The following DCC variants were observed in gnomAD, a reference collection of about 807,000 sequenced individuals.
DCC encodes DCC netrin 1 receptor.
Under a neutral mutation model 172.5 loss-of-function variants are expected in DCC, and 58 were observed. The observed-to-expected ratio is 0.34, with a 90% CI of 0.27 to 0.42. The LOEUF (loss-of-function observed/expected upper bound fraction) is 0.42. Ranked by LOEUF, DCC falls within the 10% of genes least tolerant of loss-of-function variation. The pLI is 1.00. For missense variants in DCC, 1,740 were observed against 1,791.0 expected, an observed-to-expected ratio of 0.97 and a Z score of 0.51; for synonymous variants, 709 against 644.5, an observed-to-expected ratio of 1.10 and a Z score of -1.52.
At chr18:52,484,178 T>C (rs185383509) in intron 1 of DCC, among the ~76,000 whole-genome samples, 2 of 152,284 alleles carry the variant, frequency 1.3e-5, no homozygotes. Context: ...TCTTTTTGTT[T>C]AAAACTGCAT....
chr18:52,941,944 G>T (rs562429163), intron 5 of DCC, among the ~76,000 whole-genome samples: 2 of 151,822 alleles, frequency 1.3e-5, no homozygotes, highest in African/African-American at 4.8e-5. Context: ...CACCATGCCC[G>T]GCTAATTTTT....
At chr18:52,790,157 T>C (rs1346240310) in intron 2 of DCC, among the ~76,000 whole-genome samples, 1 of 152,148 alleles carries the variant, frequency 6.6e-6, no homozygotes, top group African/African-American at 2.4e-5. Flanking sequence ...GCCACGTGGT[T>C]ACAGGTATTG....
Position 52,737,222 on chromosome 18 carries a change from G to T in DCC, c.92-14832G>T, listed in dbSNP as rs1242238621. ...AAATAAGATAAATTAATGAAAAACAGCTGGATAGAAGCACAACCAGGAATG... is the reference window on the plus strand; with the variant it reads ...AAATAAGATAAATTAATGAAAAACATCTGGATAGAAGCACAACCAGGAATG... On this transcript the variant is annotated intron_variant, in intron 1 of 28. Transcript: ENST00000442544. Among the ~76,000 whole-genome samples, 4 of 152,104 alleles carry T rather than the reference G, an allele frequency of 2.6e-5. No individual in the cohort carries two copies. The East Asian group carries it at 7.7e-4, about 29-fold the overall frequency.
chr18:52,829,246 T>C (rs528432956), intron 2 of DCC, among the ~76,000 whole-genome samples: 4 of 152,346 alleles, frequency 2.6e-5, no homozygotes, highest in African/African-American at 9.6e-5. Flanking sequence ...AGGCTGATGC[T>C]CAGTTTCTTG....
At chr18:52,872,273 G>A (rs1180269435) in intron 2 of DCC, among the ~76,000 whole-genome samples, 2 of 152,140 alleles carry the variant, frequency 1.3e-5, no homozygotes, top group South Asian at 4.1e-4. Flanking sequence ...GCAAAGGTGG[G>A]TGGTCTTATT....
intron 1 of DCC, among the ~76,000 whole-genome samples, chr18:52,648,781 G>GA (rs570024105): frequency 2.0e-5 from 3 of 152,078 alleles, no homozygotes; most frequent in East Asian, 1.9e-4. Context: ...AATTTTAAGA[G>GA]AAAAAAATGT....
intron 1 of DCC, among the ~76,000 whole-genome samples, chr18:52,595,974 A>G (rs1568247071): frequency 6.6e-6 from 1 of 152,212 alleles, no homozygotes; most frequent in African/African-American, 2.4e-5. Context: ...CTTAAGGACA[A>G]CATATTTAAT....
chr18:52,760,441 C>T (rs1341034665), intron 2 of DCC, among the ~76,000 whole-genome samples: 2 of 152,252 alleles, frequency 1.3e-5, no homozygotes, highest in African/African-American at 4.8e-5. Context: ...ACTTCCCCGG[C>T]TATGGGGCAG....
At chr18:53,283,844 T>C (rs1331260072) in intron 12 of DCC, among the ~76,000 whole-genome samples, 3 of 152,198 alleles carry the variant, frequency 2.0e-5, no homozygotes, top group Non-Finnish European at 2.9e-5. Context: ...TCAATGCTAA[T>C]TATAAACTTA....
At chr18:53,380,832 G>A (rs991203909) in intron 15 of DCC, among the ~76,000 whole-genome samples, 4 of 152,172 alleles carry the variant, frequency 2.6e-5, no homozygotes, top group African/African-American at 9.7e-5. Context: ...CATTGCAAGT[G>A]TGTTTACTTT....
intron 15 of DCC, among the ~76,000 whole-genome samples, chr18:53,347,274 A>C (rs1007117833): frequency 2.6e-5 from 4 of 152,238 alleles, no homozygotes; most frequent in Non-Finnish European, 5.9e-5. Context: ...TGGTCGCTTC[A>C]TCAAGATCTT....
chr18:52,834,972 A>C (rs1177523950), intron 2 of DCC, among the ~76,000 whole-genome samples: 1 of 152,182 alleles, frequency 6.6e-6, no homozygotes, highest in Admixed American at 6.5e-5. Context: ...ACTGCTCGAT[A>C]TTAAACTATT....
chr18:53,521,156 T>A (rs1423415603), intron 27 of DCC, among the ~76,000 whole-genome samples: 1 of 152,138 alleles, frequency 6.6e-6, no homozygotes, highest in Non-Finnish European at 1.5e-5. Context: ...GTTTAAACAC[T>A]CTGTGCGGTC....
intron 1 of DCC, among the ~76,000 whole-genome samples, chr18:52,409,767 T>G (rs947834424): frequency 2.0e-5 from 3 of 152,104 alleles, no homozygotes; most frequent in African/African-American, 7.2e-5. Flanking sequence ...AATTCAAAGG[T>G]GAATAATTAT....
chr18:53,317,958 G>C (rs975268814), intron 13 of DCC, among the ~76,000 whole-genome samples: 24 of 151,824 alleles, frequency 1.6e-4, no homozygotes, highest in African/African-American at 3.9e-4. Context: ...TTTTTTGAAG[G>C]GTTTTTTGTG....
intron 7 of DCC, among the ~76,000 whole-genome samples, chr18:53,115,850 C>T (rs906322641): frequency 1.9e-4 from 29 of 151,308 alleles, no homozygotes; most frequent in African/African-American, 1.7e-4. Context: ...TTCTTTAAGA[C>T]GAATATTTTT....
At chr18:52,690,701 G>A (rs1467543992) in intron 1 of DCC, among the ~76,000 whole-genome samples, 1 of 152,062 alleles carries the variant, frequency 6.6e-6, no homozygotes, top group African/African-American at 2.4e-5. Flanking sequence ...CCAAAATAAT[G>A]ATTCTGCTTT....
At chr18:52,387,000 A>T (rs1378749859) in intron 1 of DCC, among the ~76,000 whole-genome samples, 2 of 152,110 alleles carry the variant, frequency 1.3e-5, no homozygotes, top group Non-Finnish European at 2.9e-5. Flanking sequence ...AACAAAATGA[A>T]GCAGAAAGGG....
chr18:52,870,863 T>C (rs573125005), intron 2 of DCC, among the ~76,000 whole-genome samples: 1 of 152,190 alleles, frequency 6.6e-6, no homozygotes, highest in Non-Finnish European at 1.5e-5. Flanking sequence ...AAACTTTGTC[T>C]CCCATGTTGC....
Sources: gnomAD v4.1 joint callset for allele counts (sites outside exome capture counted in the v4.1 genomes callset) on GRCh38, gnomAD v4.1.1 for gene constraint, MANE v1.5 for transcripts, NCBI Gene and HGNC (gene_info 2026-07-23, HGNC 2026-07-21) for gene names.